The following GSN variants were observed in gnomAD, a reference collection of about 807,000 sequenced individuals.
The protein encoded by GSN is actin-depolymerizing factor.
Under a neutral mutation model 85.7 loss-of-function variants are expected in GSN, and 56 were observed. The ratio of observed to expected loss-of-function variants is 0.65; its 90% CI spans 0.53 to 0.82. The LOEUF (loss-of-function observed/expected upper bound fraction) is 0.82. Among genes scored for constraint, GSN ranks in the 40% least tolerant of loss-of-function variants. The pLI is 0.00. For synonymous variants in GSN, 373 were observed against 399.1 expected (o/e 0.93, Z 0.78); for missense variants, 857 against 979.8 (o/e 0.87, Z 1.67).
At chr9:121,331,479 A>T in intron 17 of GSN, 31 bp downstream of exon 17, 5 of 1,033,138 alleles carry the variant, frequency 4.8e-6, no homozygotes, top group South Asian at 2.7e-5. Context: ...GGGCGGGGGG[A>T]GGGGTCCGTT....
upstream of GSN, among the ~76,000 whole-genome samples, chr9:121,263,544 G>A (rs1004633171): frequency 6.6e-6 from 1 of 152,050 alleles, no homozygotes; most frequent in Non-Finnish European, 1.5e-5. Context: ...CAAGTCTTAC[G>A]TGGTGGCAGG....
upstream of GSN, among the ~76,000 whole-genome samples, chr9:121,266,449 G>A (rs1042668379): frequency 6.6e-6 from 1 of 152,190 alleles, no homozygotes; most frequent in African/African-American, 2.4e-5. Context: ...CTTGCATTGG[G>A]CCCCAGGCAG....
rs761339616 is a variant in GSN, at chr9:121,300,029, G to C, written c.-9-1934G>C. 5 of 1,519,724 alleles carry C rather than the reference G, an allele frequency of 3.3e-6. No individual in the cohort carries two copies. In the South Asian group the frequency reaches 6.3e-5, roughly 19 times the overall value. The allele number at this position is 1,519,724 out of a possible 1,614,324, so 94.1% of individuals were successfully genotyped here. A position where few individuals can be genotyped will look rare whatever the true frequency, so the allele number is the denominator to read the frequency against. ...GGGTGAGTGCCCGGGGGGCCCCGGG[G>C]CTCCCGGAGTAACTCTCTATTGTAA... On this transcript the variant is annotated intron_variant, in intron 2 of 17. Transcript: ENST00000432226.
upstream of GSN, among the ~76,000 whole-genome samples, chr9:121,205,557 T>C (rs370321466): frequency 3.6e-4 from 55 of 152,318 alleles, 1 homozygote; most frequent in African/African-American, 1.3e-3. Context: ...CTGAAGTTGC[T>C]TCCCCTTATC....
chr9:121,260,945 G>GT (rs1420199883), intron 6 of GSN, among the ~76,000 whole-genome samples: 1 of 152,156 alleles, frequency 6.6e-6, no homozygotes, highest in Non-Finnish European at 1.5e-5. Flanking sequence ...CCAATCATCA[G>GT]TTTTTTTGTT....
At chr9:121,244,085 G>A (rs1328247132) in intron 5 of GSN, among the ~76,000 whole-genome samples, 1 of 152,174 alleles carries the variant, frequency 6.6e-6, no homozygotes, top group African/African-American at 2.4e-5. Context: ...ATGTATAAAT[G>A]GAATCATAGC....
In GSN at chr9:121,251,187, C is replaced by CTTTT. The variant is rs58231680; in HGVS notation, c.-341+2874_-341+2877dup. ...ATAACATACCTACAGCTGATGTGTT[C>CTTTT]TTTTTTTTTTTTTGAGATGGATTCT... On this transcript the variant is annotated intron_variant, in intron 6 of 24. Transcript: ENST00000373823. Among the ~76,000 whole-genome samples the CTTTT allele has an allele frequency of 1.5e-4, 11 of 73,032 alleles. 1 individual carries two copies. Among genetic ancestry groups the CTTTT allele is most frequent in the African/African-American group, 7.2e-4 (11 of 15,370 alleles). 47.9% of individuals were successfully genotyped at this position (73,032 alleles called of 152,430 possible).
At chr9:121,218,211 C>G (rs1420763121) in intron 4 of GSN, among the ~76,000 whole-genome samples, 1 of 152,210 alleles carries the variant, frequency 6.6e-6, no homozygotes, top group Non-Finnish European at 1.5e-5. Flanking sequence ...CTGAAATAAA[C>G]AGCAGAGAGA....
At chr9:121,331,472 C>CGGGGGGGGGGGGGGGGGGGG in intron 17 of GSN, 24 bp downstream of exon 17, 1 of 1,387,804 alleles carries the variant, frequency 7.2e-7, no homozygotes, top group Admixed American at 2.1e-5. Context: ...TGCCTGGGGG[C>CGGGGGGGGGGGGGGGGGGGG]GGGGGGAGGG....
Position 121,329,255 on chromosome 9 carries a change from T to C in GSN, c.1905T>C (p.Gly635=), listed in dbSNP as rs771376112. 1 of 1,611,532 alleles carries C rather than the reference T, an allele frequency of 6.2e-7. No individual in the cohort carries two copies. Among genetic ancestry groups the C allele is most frequent in the Non-Finnish European group, 8.5e-7 (1 of 1,177,708 alleles). ...CTTCCCAGATCGAAGAGGTTCCTGGTGAGCTCATGCAGGAAGACCTGGCAA... is the reference window on the plus strand; with the variant it reads ...CTTCCCAGATCGAAGAGGTTCCTGGCGAGCTCATGCAGGAAGACCTGGCAA... The part of the protein sequence containing the change: ...IGRFVIEEVP[G]ELMQEDLATD... Residue 635 remains glycine, a synonymous_variant, in exon 16 of 18, where the codon GGT becomes GGC. Transcript: ENST00000432226. The surrounding 1 kb of genome is among the most constrained non-coding windows in gnomAD (Gnocchi z 4.6).
At chr9:121,240,841 T>A (rs2054589659) in intron 5 of GSN, among the ~76,000 whole-genome samples, 1 of 152,234 alleles carries the variant, frequency 6.6e-6, no homozygotes, top group Non-Finnish European at 1.5e-5. Context: ...TGTTTCTAAA[T>A]GTTATGGCAC....
chr9:121,227,250 T>C (rs753430535), intron 4 of GSN, among the ~76,000 whole-genome samples: 9 of 151,986 alleles, frequency 5.9e-5, no homozygotes, highest in South Asian at 2.1e-4. Flanking sequence ...AAAAATTAGC[T>C]AGGCGTGGTG....
At chr9:121,221,135 CG>C (rs1478040839) in intron 4 of GSN, among the ~76,000 whole-genome samples, 1 of 152,232 alleles carries the variant, frequency 6.6e-6, no homozygotes, top group Admixed American at 6.5e-5. Flanking sequence ...AGGGGCGCCT[CG>C]GCCCAGTCCG....
intron 1 of GSN, among the ~76,000 whole-genome samples, chr9:121,268,819 G>A (rs984581661): frequency 2.0e-5 from 3 of 152,208 alleles, no homozygotes; most frequent in African/African-American, 7.2e-5. Flanking sequence ...TTCTTCTGGA[G>A]TTGAAGACAG....
intron 2 of GSN, among the ~76,000 whole-genome samples, chr9:121,295,377 CG>C (rs2059114720): frequency 6.6e-6 from 1 of 152,124 alleles, no homozygotes; most frequent in African/African-American, 2.4e-5. Context: ...GTCAGAAGGG[CG>C]GGTGCTCCTA....
intron 7 of GSN, among the ~76,000 whole-genome samples, chr9:121,315,940 G>C (rs1022532954): frequency 5.3e-5 from 8 of 152,138 alleles, no homozygotes; most frequent in Non-Finnish European, 1.2e-4. Flanking sequence ...TCATATGCAA[G>C]GATTAAAGGG....
chr9:121,314,915 A>G (rs1240657563), intron 7 of GSN, among the ~76,000 whole-genome samples: 1 of 152,214 alleles, frequency 6.6e-6, no homozygotes, highest in Non-Finnish European at 1.5e-5. Flanking sequence ...AGGCTGCAGT[A>G]CAATGGCACA....
intron 5 of GSN, among the ~76,000 whole-genome samples, chr9:121,240,519 T>C (rs7865779): frequency 0.48 from 72,895 of 152,136 alleles, 18,523 homozygotes; most frequent in East Asian, 0.75. Flanking sequence ...TGGACATCTC[T>C]TTAGGGCCTG....
intron 2 of GSN, among the ~76,000 whole-genome samples, chr9:121,300,417 A>G (rs185530659): frequency 4.7e-5 from 7 of 150,264 alleles, no homozygotes; most frequent in African/African-American, 1.7e-4. Flanking sequence ...TTCTTGTATG[A>G]CCTCGCCTGT....
Sources: gnomAD v4.1 joint callset for allele counts (sites outside exome capture counted in the v4.1 genomes callset) on GRCh38, gnomAD v4.1.1 for gene constraint, Gnocchi (gnomAD v3.1) non-coding constraint, MANE v1.5 for transcripts, NCBI Gene and HGNC (gene_info 2026-07-23, HGNC 2026-07-21) for gene names.